Variants in NKAIN3 observed in about 807,000 individuals in gnomAD.
NKAIN3 encodes sodium/potassium transporting ATPase interacting 3.
A neutral mutation model predicts 30.2 loss-of-function variants in NKAIN3; 25 were observed. That is an observed-to-expected ratio of 0.83 (90% CI 0.60 to 1.16). The LOEUF is 1.16. NKAIN3 is among the 50% of genes most tolerant of loss of function. The pLI is 0.00. For missense variants in NKAIN3, 225 were observed against 254.1 expected, an observed-to-expected ratio of 0.89 and a Z score of 0.78; for synonymous variants, 91 against 89.6, an observed-to-expected ratio of 1.02 and a Z score of -0.09.
At chr8:62,521,913 C>G (rs115609152) in intron 1 of NKAIN3, among the ~76,000 whole-genome samples, 2 of 152,004 alleles carry the variant, frequency 1.3e-5, no homozygotes, top group African/African-American at 4.8e-5. Flanking sequence ...GCTATAATTG[C>G]TTTTAAAACG....
chr8:62,974,261 G>C lies in NKAIN3; in HGVS notation c.*8854G>C, dbSNP rs961912183. On this transcript the variant is annotated 3_prime_UTR_variant, in exon 7 of 7. Transcript: ENST00000623646. ...TCTATAAATTACTTTGGGCAGTATG[G>C]CCATTTTTACAATATTGATTCTTCC... 2.0e-5 allele frequency among the ~76,000 whole-genome samples: 3 copies of C among 151,238 alleles called. No individual in the cohort carries two copies. In the Admixed American group the frequency reaches 2.0e-4, roughly 10 times the overall value.
intron 1 of NKAIN3, among the ~76,000 whole-genome samples, chr8:62,480,633 G>A (rs1394229805): frequency 1.3e-5 from 2 of 151,672 alleles, no homozygotes; most frequent in Non-Finnish European, 2.9e-5. Context: ...GGCCCTAGGA[G>A]ACGGAAGCTT....
At chr8:62,815,391 A>G (rs977688425) in intron 4 of NKAIN3, among the ~76,000 whole-genome samples, 1 of 152,200 alleles carries the variant, frequency 6.6e-6, no homozygotes, top group African/African-American at 2.4e-5. Context: ...TCATCCTGAC[A>G]CCAAAGCCTG....
chr8:62,728,303 G>C (rs1435067551), intron 3 of NKAIN3, among the ~76,000 whole-genome samples: 1 of 151,984 alleles, frequency 6.6e-6, no homozygotes, highest in Non-Finnish European at 1.5e-5. Context: ...ATTGATTAAA[G>C]TATAATAATA....
chr8:62,342,220 C>A (rs2351944), intron 1 of NKAIN3, among the ~76,000 whole-genome samples: 2 of 140,034 alleles, frequency 1.4e-5, no homozygotes, highest in East Asian at 2.1e-4. Flanking sequence ...GAATTGCACC[C>A]CTCAACCACT....
intron 1 of NKAIN3, among the ~76,000 whole-genome samples, chr8:62,424,209 C>T (rs1028998878): frequency 4.0e-5 from 6 of 151,838 alleles, no homozygotes; most frequent in Non-Finnish European, 8.8e-5. Flanking sequence ...AACTGTAAAA[C>T]CACTAGAAGA....
chr8:62,648,493 A>G (rs1300798489), intron 3 of NKAIN3, among the ~76,000 whole-genome samples: 3 of 152,190 alleles, frequency 2.0e-5, no homozygotes, highest in African/African-American at 4.8e-5. Flanking sequence ...GGAGGATACC[A>G]TGGCAGGATA....
chr8:62,603,695 A>G (rs1349998871), intron 3 of NKAIN3, among the ~76,000 whole-genome samples: 1 of 152,068 alleles, frequency 6.6e-6, no homozygotes, highest in African/African-American at 2.4e-5. Context: ...CCCTGGAAGC[A>G]TCTGTGCATC....
chr8:62,912,905 G>A (rs1322251600), intron 4 of NKAIN3, among the ~76,000 whole-genome samples: 1 of 151,552 alleles, frequency 6.6e-6, no homozygotes, highest in African/African-American at 2.4e-5. Flanking sequence ...GCAAAACTCT[G>A]TCTCAAAAAA....
At chr8:62,409,043 A>G (rs1255243708) in intron 1 of NKAIN3, among the ~76,000 whole-genome samples, 1 of 152,226 alleles carries the variant, frequency 6.6e-6, no homozygotes, top group Non-Finnish European at 1.5e-5. Context: ...TTACATTTGC[A>G]ATATATTTGA....
At chr8:62,574,265 C>A (rs1373451069) in intron 1 of NKAIN3, among the ~76,000 whole-genome samples, 1 of 152,060 alleles carries the variant, frequency 6.6e-6, no homozygotes, top group Non-Finnish European at 1.5e-5. Context: ...TGTATATGTG[C>A]CACATTTTCT....
rs565126199 is a variant in NKAIN3, at chr8:62,363,423, C to T, written c.54+114296C>T. On this transcript the variant is annotated intron_variant, in intron 1 of 6. Transcript: ENST00000623646. ...AGTAGAACAGTAGGTAGCTACCTAA[C>T]AACGTCTGAGACCCTGGACATTCCG... Among the ~76,000 whole-genome samples the T allele has an allele frequency of 5.9e-5, 9 of 152,208 alleles. No individual in the cohort carries two copies. In the South Asian group the frequency reaches 8.3e-4, roughly 14 times the overall value.
In NKAIN3 at chr8:62,981,655, G is replaced by A. The variant is rs949557323; in HGVS notation, c.*16248G>A. 4 of 151,422 alleles carry A rather than the reference G, an allele frequency of 2.6e-5. No individual in the cohort carries two copies. The highest frequency in any genetic ancestry group is 5.9e-5 in the Non-Finnish European group (4 of 67,928). The allele number at this position is 151,422 out of a possible 1,614,324, so 9.4% of individuals were successfully genotyped here. ...AAAAAGACAAAAATGGTATTCTCAG[G>A]TGAGCTTACCTTTCAAATTTTTCTG... On this transcript the variant is annotated 3_prime_UTR_variant, in exon 7 of 7. Coordinates refer to ENST00000623646, the MANE Select transcript of NKAIN3 (RefSeq NM_001304533.3).
chr8:62,829,588 G>A lies in NKAIN3; in HGVS notation c.471+82459G>A, dbSNP rs148736178. On this transcript the variant is annotated intron_variant, in intron 4 of 6. Transcript: ENST00000623646. ...AGATAATAAGATCAGGTATATTGCC[G>A]AAAATAGATATGACATAAACAGACA... Among the ~76,000 whole-genome samples the A allele has an allele frequency of 2.3e-3, 347 of 152,136 alleles. 1 individual carries two copies. Among genetic ancestry groups the A allele is most frequent in the Middle Eastern group, 0.021 (6 of 292 alleles).
intron 1 of NKAIN3, among the ~76,000 whole-genome samples, chr8:62,461,605 C>T (rs1319784866): frequency 6.6e-6 from 1 of 151,962 alleles, no homozygotes; most frequent in Non-Finnish European, 1.5e-5. Flanking sequence ...TGATATCTTG[C>T]CAAATAGAGA....
intron 1 of NKAIN3, among the ~76,000 whole-genome samples, chr8:62,253,919 T>G (rs1395069191): frequency 6.6e-6 from 1 of 152,200 alleles, no homozygotes; most frequent in African/African-American, 2.4e-5. Context: ...GTTCTTTTCT[T>G]CTCCTCTGCA....
chr8:62,391,291 T>TC (rs1715314249), intron 1 of NKAIN3, among the ~76,000 whole-genome samples: 1 of 152,140 alleles, frequency 6.6e-6, no homozygotes, highest in Admixed American at 6.5e-5. Context: ...TAGCCAAGTC[T>TC]CCCTTGCAGC....
At chr8:62,433,022 A>T (rs1373207072) in intron 1 of NKAIN3, among the ~76,000 whole-genome samples, 1 of 152,152 alleles carries the variant, frequency 6.6e-6, no homozygotes, top group Non-Finnish European at 1.5e-5. Context: ...CTTAACCCCA[A>T]AAGGGATAAT....
At chr8:62,682,617 G>T (rs1813676386) in intron 3 of NKAIN3, among the ~76,000 whole-genome samples, 1 of 152,190 alleles carries the variant, frequency 6.6e-6, no homozygotes, top group Non-Finnish European at 1.5e-5. Context: ...AAACGAACTA[G>T]ATGCTTTTGA....
Sources: allele counts gnomAD v4.1 joint callset (sites outside exome capture counted in the v4.1 genomes callset), GRCh38; gene constraint gnomAD v4.1.1; transcripts MANE v1.5; gene names NCBI Gene and HGNC (gene_info 2026-07-23, HGNC 2026-07-21).